The following PDE1A variants were observed in gnomAD, a reference collection of about 807,000 sequenced individuals.
The protein encoded by PDE1A is dual specificity calcium/calmodulin-dependent 3',5'-cyclic nucleotide phosphodiesterase 1A.
In PDE1A, 35 loss-of-function variants were observed where a neutral mutation model predicts 61.7. The observed-to-expected ratio is 0.57, with a 90% CI of 0.43 to 0.75. PDE1A has a LOEUF of 0.75. Among genes scored for constraint, PDE1A ranks in the 30% least tolerant of loss-of-function variants. PDE1A has a pLI of 0.00. For missense variants in PDE1A, 597 were observed against 630.6 expected (o/e 0.95, Z 0.57); for synonymous variants, 232 against 213.2 (o/e 1.09, Z -0.77).
At chr2:182,714,221 T>C in the PDE1A span, among the ~76,000 whole-genome samples, 1 of 152,226 alleles carries the variant, frequency 6.6e-6, no homozygotes, top group Non-Finnish European at 1.5e-5. Context: ...TCCACCTTCA[T>C]GAAGCTTAGA....
At chr2:182,539,480 G>A in the PDE1A span, among the ~76,000 whole-genome samples, 4 of 152,120 alleles carry the variant, frequency 2.6e-5, no homozygotes, top group South Asian at 4.1e-4. Context: ...AGGAACATTC[G>A]TGAGCATAAC....
At chr2:182,441,234 G>A (rs914900190) in intron 2 of PDE1A, among the ~76,000 whole-genome samples, 2 of 151,970 alleles carry the variant, frequency 1.3e-5, no homozygotes, top group African/African-American at 4.8e-5. Context: ...ATCTCCACCT[G>A]GCCCCATCCT....
At chr2:182,341,169 G>C (rs1435849711) in intron 1 of PDE1A, among the ~76,000 whole-genome samples, 1 of 152,138 alleles carries the variant, frequency 6.6e-6, no homozygotes, top group Non-Finnish European at 1.5e-5. Context: ...CAACGTTATA[G>C]AGAGGAACAT....
intron 2 of PDE1A, among the ~76,000 whole-genome samples, chr2:182,517,231 T>C (rs1205101177): frequency 6.6e-6 from 1 of 152,250 alleles, no homozygotes; most frequent in African/African-American, 2.4e-5. Flanking sequence ...TTAAGAGACT[T>C]ATGTTTTTAA....
At chr2:182,607,907 T>TG in the PDE1A span, among the ~76,000 whole-genome samples, 1 of 152,146 alleles carries the variant, frequency 6.6e-6, no homozygotes, top group Non-Finnish European at 1.5e-5. Flanking sequence ...GCAGACTCCA[T>TG]GGGGACTAAC....
chr2:182,642,153 TTC>T, the PDE1A span, among the ~76,000 whole-genome samples: 1 of 152,216 alleles, frequency 6.6e-6, no homozygotes, highest in African/African-American at 2.4e-5. Flanking sequence ...TCTAAAATAT[TTC>T]TTTTACTTTT....
At chr2:182,184,007 G>GAAGAAAGAA (rs1229039505) in intron 13 of PDE1A, among the ~76,000 whole-genome samples, 9 of 134,714 alleles carry the variant, frequency 6.7e-5, no homozygotes, top group East Asian at 4.3e-4. Flanking sequence ...GAAAGGAAGA[G>GAAGAAAGAA]AAGAAAGAAA....
chr2:182,400,789 G>A (rs1237977264), intron 1 of PDE1A, among the ~76,000 whole-genome samples: 2 of 152,292 alleles, frequency 1.3e-5, no homozygotes, highest in African/African-American at 2.4e-5. Context: ...ACTTGCTGGG[G>A]TGAATAATGG....
the PDE1A span, among the ~76,000 whole-genome samples, chr2:182,546,523 T>C: frequency 1.3e-5 from 2 of 152,098 alleles, no homozygotes; most frequent in South Asian, 2.1e-4. Context: ...GGAAGGGTGA[T>C]AGCATTTGAA....
At chr2:182,685,733 C>T in the PDE1A span, among the ~76,000 whole-genome samples, 2 of 152,176 alleles carry the variant, frequency 1.3e-5, no homozygotes, top group African/African-American at 4.8e-5. Flanking sequence ...TCAAGGCTCA[C>T]CCTAAACCAA....
chr2:182,638,535 CA>C, the PDE1A span, among the ~76,000 whole-genome samples: 3 of 151,472 alleles, frequency 2.0e-5, no homozygotes, highest in Non-Finnish European at 4.4e-5. Context: ...GACTCCATCT[CA>C]AAAAAAATGA....
At chr2:182,532,964 A>AAAAAAC in the PDE1A span, among the ~76,000 whole-genome samples, 2 of 149,492 alleles carry the variant, frequency 1.3e-5, no homozygotes, top group East Asian at 3.9e-4. Flanking sequence ...AAAAAAAAAA[A>AAAAAAC]AAAAAAAAAC....
At chr2:182,452,710 T>A (rs769208246) in intron 2 of PDE1A, among the ~76,000 whole-genome samples, 2 of 152,164 alleles carry the variant, frequency 1.3e-5, no homozygotes, top group African/African-American at 2.4e-5. Context: ...CACAGTGAGC[T>A]GGAGGCCCAT....
chr2:182,214,776 T>C (rs1688011832), intron 7 of PDE1A, among the ~76,000 whole-genome samples: 1 of 124,134 alleles, frequency 8.1e-6, no homozygotes, highest in Non-Finnish European at 1.7e-5. Context: ...AAGTCCTGAG[T>C]GACCTACAAA....
At chr2:182,358,588 C>G (rs1373884859) in intron 1 of PDE1A, among the ~76,000 whole-genome samples, 1 of 152,080 alleles carries the variant, frequency 6.6e-6, no homozygotes, top group East Asian at 1.9e-4. Flanking sequence ...ATTTATCATG[C>G]TATATTATAG....
At chr2:182,534,741 G>T in the PDE1A span, among the ~76,000 whole-genome samples, 1 of 151,194 alleles carries the variant, frequency 6.6e-6, no homozygotes, top group East Asian at 1.9e-4. Flanking sequence ...CTCATCATTT[G>T]TAATTCAATT....
intron 1 of PDE1A, among the ~76,000 whole-genome samples, chr2:182,373,923 T>A (rs1700254709): frequency 6.6e-6 from 1 of 152,136 alleles, no homozygotes; most frequent in African/African-American, 2.4e-5. Context: ...CATGTGCAAA[T>A]GTTGTAAAGG....
chr2:182,596,120 C>T, the PDE1A span, among the ~76,000 whole-genome samples: 1 of 152,306 alleles, frequency 6.6e-6, no homozygotes. Flanking sequence ...GTATTTGAGA[C>T]AGAACAGGCA....
At chr2:182,681,463 A>C in the PDE1A span, among the ~76,000 whole-genome samples, 1 of 151,442 alleles carries the variant, frequency 6.6e-6, no homozygotes, top group African/African-American at 2.4e-5. Flanking sequence ...ATGAGCCACC[A>C]TACCTATCTG....
Sources: allele counts gnomAD v4.1 joint callset (sites outside exome capture counted in the v4.1 genomes callset), GRCh38; gene constraint gnomAD v4.1.1; transcripts MANE v1.5; gene names NCBI Gene and HGNC (gene_info 2026-07-23, HGNC 2026-07-21).